Variants in SLC44A5 observed in about 807,000 individuals in gnomAD.
The protein encoded by SLC44A5 is choline transporter-like protein 5.
In SLC44A5, 57 loss-of-function variants were observed where a neutral mutation model predicts 101.8. The ratio of observed to expected loss-of-function variants is 0.56; its 90% confidence interval spans 0.45 to 0.70. The LOEUF (loss-of-function observed/expected upper bound fraction) is 0.70, where lower values mean the gene tolerates loss of function less well. Among genes scored for constraint, SLC44A5 ranks in the 30% least tolerant of loss-of-function variants. SLC44A5 has a pLI of 0.00. For missense variants in SLC44A5, 737 were observed against 853.1 expected (o/e 0.86, Z 1.70); for synonymous variants, 281 against 290.9 (o/e 0.97, Z 0.35).
At chr1:75,374,170 C>T (rs79127231) in intron 3 of SLC44A5, among the ~76,000 whole-genome samples, 3,275 of 152,272 alleles carry the variant, frequency 0.022, 99 homozygotes, top group African/African-American at 0.065. Context: ...GAGGGAGACC[C>T]AGTAGAAGGG....
At chr1:75,458,574 T>G (rs970474311) in intron 2 of SLC44A5, among the ~76,000 whole-genome samples, 25 of 151,948 alleles carry the variant, frequency 1.6e-4, no homozygotes, top group Non-Finnish European at 4.4e-5. Context: ...TACAGAAGGA[T>G]AGAGTGATGG....
intron 4 of SLC44A5, among the ~76,000 whole-genome samples, chr1:75,306,479 T>C (rs1377484694): frequency 6.6e-6 from 1 of 152,132 alleles, no homozygotes; most frequent in African/African-American, 2.4e-5. Flanking sequence ...TGCTTAGAGA[T>C]TCAAATTTTT....
intron 2 of SLC44A5, among the ~76,000 whole-genome samples, chr1:75,419,798 T>G (rs575278866): frequency 6.6e-6 from 1 of 152,152 alleles, no homozygotes; most frequent in East Asian, 1.9e-4. Context: ...TTATAACACA[T>G]TTAATTTAAA....
At chr1:75,622,625 A>C in the SLC44A5 span, among the ~76,000 whole-genome samples, 1 of 152,158 alleles carries the variant, frequency 6.6e-6, no homozygotes, top group African/African-American at 2.4e-5. Flanking sequence ...TGAGTGAGAC[A>C]GAGTATGAAT....
Position 75,418,794 on chromosome 1 carries a change from T to A in SLC44A5, c.14-22173A>T, listed in dbSNP as rs140998233. Reference sequence around the variant, plus strand: ...TATTTTGAAAAGATCAGTTATTTTTTAAATTTTTGAATTGATTAAAAGTAA... The same window carrying A: ...TATTTTGAAAAGATCAGTTATTTTTAAAATTTTTGAATTGATTAAAAGTAA... On this transcript the variant is annotated intron_variant, in intron 2 of 23. Transcript: ENST00000370859. Among the ~76,000 whole-genome samples, 751 of 152,340 alleles carry A rather than the reference T, an allele frequency of 4.9e-3. 11 individuals are homozygous for A. Among genetic ancestry groups the A allele is most frequent in the African/African-American group, 0.017 (720 of 41,582 alleles).
chr1:75,515,766 G>T (rs577139131), intron 2 of SLC44A5, among the ~76,000 whole-genome samples: 54 of 152,270 alleles, frequency 3.5e-4, no homozygotes, highest in Non-Finnish European at 5.6e-4. Flanking sequence ...AATATTGGGG[G>T]TTCATACCCA....
At chr1:75,669,952 C>T in the SLC44A5 span, among the ~76,000 whole-genome samples, 1 of 152,078 alleles carries the variant, frequency 6.6e-6, no homozygotes, top group Non-Finnish European at 1.5e-5. Context: ...AGGGGAAAAA[C>T]AAATATGGAA....
intron 14 of SLC44A5, among the ~76,000 whole-genome samples, chr1:75,221,515 T>C (rs1017790813): frequency 2.0e-5 from 3 of 152,194 alleles, no homozygotes; most frequent in African/African-American, 7.2e-5. Flanking sequence ...TCCTAAATTA[T>C]GGGCTTTAGA....
chr1:75,480,903 C>T (rs1168101844), intron 2 of SLC44A5, among the ~76,000 whole-genome samples: 5 of 152,212 alleles, frequency 3.3e-5, no homozygotes, highest in Non-Finnish European at 7.3e-5. Context: ...GAAAAAACTA[C>T]TTTAAAGTTC....
chr1:75,615,745 G>C (rs1037554926), upstream of SLC44A5: 9 of 627,744 alleles, frequency 1.4e-5, no homozygotes, highest in African/African-American at 1.8e-4. Context: ...ACTCTTCCCC[G>C]GCAGGAGCCT....
intron 1 of SLC44A5, among the ~76,000 whole-genome samples, chr1:75,577,228 C>T (rs1673421102): frequency 6.6e-6 from 1 of 152,210 alleles, no homozygotes; most frequent in African/African-American, 2.4e-5. Flanking sequence ...CTAACTCTTG[C>T]CCCCACAGTC....
chr1:75,491,733 A>G (rs547240808), intron 2 of SLC44A5, among the ~76,000 whole-genome samples: 15 of 144,314 alleles, frequency 1.0e-4, no homozygotes, highest in African/African-American at 2.1e-4. Flanking sequence ...GCACGCACGC[A>G]CACACACACA....
chr1:75,695,202 T>C, the SLC44A5 span, among the ~76,000 whole-genome samples: 1 of 152,210 alleles, frequency 6.6e-6, no homozygotes, highest in Admixed American at 6.5e-5. Flanking sequence ...GTAGCAGACA[T>C]TCTGCCCACT....
the SLC44A5 span, among the ~76,000 whole-genome samples, chr1:75,659,489 G>GAAGGAAGGAAGGAAGAAAGA: frequency 2.0e-4 from 12 of 61,474 alleles, 3 homozygotes; most frequent in Admixed American, 1.1e-3. Context: ...AGGAAGGAAG[G>GAAGGAAGGAAGGAAGAAAGA]AAGGCAGGCA....
chr1:75,695,689 G>C, the SLC44A5 span, among the ~76,000 whole-genome samples: 1 of 147,766 alleles, frequency 6.8e-6, no homozygotes, highest in Non-Finnish European at 1.5e-5. Flanking sequence ...TTAATATATA[G>C]TATTTATATA....
At chr1:75,438,977 A>C (rs1665040531) in intron 2 of SLC44A5, among the ~76,000 whole-genome samples, 1 of 152,142 alleles carries the variant, frequency 6.6e-6, no homozygotes. Flanking sequence ...AAAATAAGCA[A>C]GCAATATGCT....
chr1:75,274,971 C>G lies in SLC44A5; in HGVS notation c.247G>C (p.Gly83Arg). 1 of 1,612,410 alleles carries G rather than the reference C, an allele frequency of 6.2e-7. No individual in the cohort carries two copies. The highest frequency in any genetic ancestry group is 8.5e-7 in the Non-Finnish European group (1 of 1,179,216). The change falls in exon 6 of 24, where the codon GGC (glycine) becomes CGC (arginine). Residue 83 changes from glycine to arginine, a missense_variant. Physicochemically the swap from Gly to Arg is moderately radical, Grantham distance 125. Around this residue, in one of 3 missense-constraint regions of SLC44A5, gnomAD observed 665 missense variants for 764.4 expected, o/e 0.87. Transcript: ENST00000370859. Reference protein sequence around the residue: ...DSQGHFCGQKGTPNENKTILF... With the variant: ...DSQGHFCGQKRTPNENKTILF... ...GGCCATACTCACTCATTGGGAGTGC[C>G]CTTCTGGCCACAAAAGTGGCCCTGG... is the stretch of plus-strand genomic sequence containing the variant.
intron 3 of SLC44A5, among the ~76,000 whole-genome samples, chr1:75,354,294 C>A (rs1658903722): frequency 6.6e-6 from 1 of 152,312 alleles, no homozygotes; most frequent in South Asian, 2.1e-4. Flanking sequence ...CATTTCCAAT[C>A]ATTCCCCAAA....
chr1:75,476,049 G>C (rs1202172377), intron 2 of SLC44A5, among the ~76,000 whole-genome samples: 1 of 152,056 alleles, frequency 6.6e-6, no homozygotes, highest in African/African-American at 2.4e-5. Context: ...TGGGAATGGT[G>C]GTGCGCACCT....
Sources: gnomAD v4.1 joint callset for allele counts (sites outside exome capture counted in the v4.1 genomes callset) on GRCh38, gnomAD v4.1.1 for gene constraint, gnomAD v4.1.1 regional missense constraint, MANE v1.5 for transcripts, NCBI Gene and HGNC (gene_info 2026-07-23, HGNC 2026-07-21) for gene names.